Variants in GARIN4 observed in about 807,000 individuals in gnomAD.
The protein encoded by GARIN4 is Golgi-associated RAB2 interactor protein 4.
At chr1:212,625,999 A>T in the GARIN4 span, 57 of 1,614,114 alleles carry the variant, frequency 3.5e-5, no homozygotes, top group Non-Finnish European at 4.7e-5. Context: ...CCATTGCAGG[A>T]GTAGTACTGA....
the GARIN4 span, chr1:212,624,897 T>G: frequency 3.1e-6 from 5 of 1,589,722 alleles, no homozygotes; most frequent in Non-Finnish European, 4.3e-6. Context: ...GATTTTCTGC[T>G]GCCGTATTAT....
the GARIN4 span, chr1:212,626,540 A>G: frequency 6.2e-7 from 1 of 1,614,180 alleles, no homozygotes. Flanking sequence ...CGTCATGGCT[A>G]AGATGGCGGA....
At chr1:212,626,050 G>A in the GARIN4 span, 33 of 1,614,090 alleles carry the variant, frequency 2.0e-5, no homozygotes, top group East Asian at 6.7e-5. Flanking sequence ...ATGCAGCAGC[G>A]GGACCTCCCG....
chr1:212,626,170 G>A, the GARIN4 span: 1 of 1,614,180 alleles, frequency 6.2e-7, no homozygotes, highest in Non-Finnish European at 8.5e-7. Flanking sequence ...AAAAGGACAG[G>A]GCTCTCGGAA....
At chr1:212,626,551 G>C in the GARIN4 span, 1 of 1,614,182 alleles carries the variant, frequency 6.2e-7, no homozygotes, top group Non-Finnish European at 8.5e-7. Flanking sequence ...AGATGGCGGA[G>C]AGGAGCACCA....
chr1:212,626,745 G>A, the GARIN4 span: 2 of 1,504,054 alleles, frequency 1.3e-6, no homozygotes, highest in East Asian at 2.3e-5. Flanking sequence ...GTTCTTTACT[G>A]CCGTTTAAAT....
chr1:212,625,529 C>T, the GARIN4 span: 1 of 1,614,060 alleles, frequency 6.2e-7, no homozygotes, highest in Non-Finnish European at 8.5e-7. Context: ...GGATCAGGAC[C>T]AGGTCAGCAT....
chr1:212,624,703 C>A, the GARIN4 span: 1 of 1,292,726 alleles, frequency 7.7e-7, no homozygotes, highest in South Asian at 1.7e-5. Flanking sequence ...CCACCCCGGC[C>A]TCTGGGAGGC....
chr1:212,626,250 C>G, the GARIN4 span: 1 of 1,614,214 alleles, frequency 6.2e-7, no homozygotes, highest in Non-Finnish European at 8.5e-7. Flanking sequence ...GCCCAAAAGT[C>G]CTCCAGCAGG....
At chr1:212,625,998 G>T in the GARIN4 span, 1 of 1,614,242 alleles carries the variant, frequency 6.2e-7, no homozygotes, top group East Asian at 2.2e-5. Context: ...GCCATTGCAG[G>T]AGTAGTACTG....
chr1:212,624,913 C>A, the GARIN4 span: 1 of 1,611,296 alleles, frequency 6.2e-7, no homozygotes. Context: ...ATTATACGGC[C>A]CAGAGTGGCT....
chr1:212,625,227 A>G, the GARIN4 span: 8 of 1,613,944 alleles, frequency 5.0e-6, no homozygotes, highest in Non-Finnish European at 5.9e-6. Context: ...AAGAACTTAG[A>G]GCTCACCAGG....
the GARIN4 span, chr1:212,625,409 A>G: frequency 2.5e-6 from 4 of 1,614,194 alleles, no homozygotes; most frequent in East Asian, 2.2e-5. Context: ...GCGGCCACCC[A>G]TGGAGAGTAA....
At chr1:212,625,696 G>A in the GARIN4 span, 6 of 1,614,092 alleles carry the variant, frequency 3.7e-6, no homozygotes, top group Non-Finnish European at 5.1e-6. Flanking sequence ...CAGCAACAGG[G>A]GGGATTAAAG....
the GARIN4 span, chr1:212,625,967 C>A: frequency 6.2e-7 from 1 of 1,614,212 alleles, no homozygotes; most frequent in African/African-American, 1.3e-5. Context: ...GAGCCTTTCC[C>A]GAGAGGGCAG....
At chr1:212,625,188 C>G in the GARIN4 span, 60 of 1,614,060 alleles carry the variant, frequency 3.7e-5, no homozygotes, top group African/African-American at 7.5e-4. Context: ...CATGGCCAGG[C>G]CACCAAGAGA....
the GARIN4 span, chr1:212,625,890 A>G: frequency 1.9e-6 from 3 of 1,614,228 alleles, no homozygotes; most frequent in Non-Finnish European, 2.5e-6. Flanking sequence ...ATGGCTCCAA[A>G]CAGCACGAAG....
the GARIN4 span, chr1:212,626,190 A>G: frequency 6.2e-6 from 10 of 1,614,032 alleles, no homozygotes; most frequent in South Asian, 1.1e-5. Context: ...AGGAGTTCCC[A>G]TCGCCGCAGG....
chr1:212,624,564 G>A, the GARIN4 span: 2 of 241,352 alleles, frequency 8.3e-6, no homozygotes, highest in Non-Finnish European at 1.6e-5. Context: ...AAAATCAGAG[G>A]TGGAGGTCAG....
Sources: allele counts gnomAD v4.1 joint callset, GRCh38; gene constraint gnomAD v4.1.1; transcripts MANE v1.5; gene names NCBI Gene and HGNC (gene_info 2026-07-23, HGNC 2026-07-21).